ARHGEF12: variants seen among roughly 807,000 people sequenced by gnomAD.
ARHGEF12 encodes the protein Rho guanine nucleotide exchange factor 12.
In ARHGEF12, 66 loss-of-function variants were observed where a neutral mutation model predicts 211.2. The observed-to-expected ratio is 0.31, with a 90% confidence interval of 0.26 to 0.38. The LOEUF is 0.38. Ranked by LOEUF, ARHGEF12 falls within the 10% of genes least tolerant of loss-of-function variation. The pLI is 1.00. For missense variants in ARHGEF12, 1,429 were observed against 1,869.5 expected, an observed-to-expected ratio of 0.76 and a Z score of 4.34; for synonymous variants, 592 against 638.4, an observed-to-expected ratio of 0.93 and a Z score of 1.09.
Position 120,445,470 on chromosome 11 carries a change from C to G in ARHGEF12, c.1345+6C>G, listed in dbSNP as rs1231688950. The G allele has an allele frequency of 6.2e-7, 1 of 1,613,752 alleles. No individual in the cohort carries two copies. The highest frequency in any genetic ancestry group is 8.5e-7 in the Non-Finnish European group (1 of 1,179,612). ...TGAAATGTCTGCAGATCTAGGTAAG[C>G]TTGGAGCACTAACATCCTGGAGAAT... On this transcript the variant is annotated splice_donor_region_variant and intron_variant, in intron 16 of 40. Transcript: ENST00000397843.
intron 11 of ARHGEF12, 116 bp downstream of exon 11, chr11:120,432,027 AT>A: frequency 1.1e-6 from 1 of 912,940 alleles, no homozygotes; most frequent in African/African-American, 1.7e-5. Flanking sequence ...TACCATCCCC[AT>A]TTTTAATGTA....
At chr11:120,347,246 T>TTCTCTCTC (rs36062191) in intron 1 of ARHGEF12, among the ~76,000 whole-genome samples, 11 of 130,380 alleles carry the variant, frequency 8.4e-5, no homozygotes, top group African/African-American at 3.2e-4. Context: ...CTCTCTCTGT[T>TTCTCTCTC]TCTCTCTCTC....
chr11:120,342,189 A>T (rs1942557673), intron 1 of ARHGEF12, among the ~76,000 whole-genome samples: 1 of 152,046 alleles, frequency 6.6e-6, no homozygotes, highest in Admixed American at 6.5e-5. Flanking sequence ...TTCCTTTAGT[A>T]ACTCTCCAGC....
At chr11:120,433,378 G>T (rs985341500) in intron 11 of ARHGEF12, among the ~76,000 whole-genome samples, 18 of 152,160 alleles carry the variant, frequency 1.2e-4, no homozygotes, top group African/African-American at 4.3e-4. Flanking sequence ...GTTATAAAGG[G>T]CTTCAACTTG....
At chr11:120,356,844 A>G (rs533595219) in intron 1 of ARHGEF12, among the ~76,000 whole-genome samples, 1 of 152,336 alleles carries the variant, frequency 6.6e-6, no homozygotes, top group African/African-American at 2.4e-5. Context: ...GTATTGACTA[A>G]AAATTATGTG....
chr11:120,470,755 G>A (rs1293484345), intron 30 of ARHGEF12, among the ~76,000 whole-genome samples: 4 of 152,192 alleles, frequency 2.6e-5, no homozygotes, highest in African/African-American at 7.2e-5. Context: ...TTAAAACTCT[G>A]TAGGTACCCT....
chr11:120,447,745 G>C (rs554599358), intron 18 of ARHGEF12, 129 bp from the exon 19 acceptor site: 1 of 593,558 alleles, frequency 1.7e-6, no homozygotes, highest in South Asian at 2.1e-5. Context: ...GCGCCCAGGA[G>C]GCGGAGGTTG....
At chr11:120,468,172 T>TA in intron 29 of ARHGEF12, among the ~76,000 whole-genome samples, 1 of 152,232 alleles carries the variant, frequency 6.6e-6, no homozygotes, top group Non-Finnish European at 1.5e-5. Flanking sequence ...AGCTGAGCTT[T>TA]AGGTTCTTAT....
intron 1 of ARHGEF12, among the ~76,000 whole-genome samples, chr11:120,364,679 A>G (rs1943374011): frequency 6.6e-6 from 1 of 152,192 alleles, no homozygotes; most frequent in Non-Finnish European, 1.5e-5. Flanking sequence ...CATTAAAGAC[A>G]TTTTCAAGTA....
At chr11:120,483,135 T>G (rs1947298782) in intron 39 of ARHGEF12, among the ~76,000 whole-genome samples, 1 of 152,168 alleles carries the variant, frequency 6.6e-6, no homozygotes, top group Admixed American at 6.5e-5. Flanking sequence ...TTACATAGAT[T>G]TTTTCATATG....
intron 1 of ARHGEF12, among the ~76,000 whole-genome samples, chr11:120,351,426 TA>T (rs1942944983): frequency 4.7e-4 from 2 of 4,272 alleles, no homozygotes; most frequent in African/African-American, 6.3e-4. Context: ...TATATATATA[TA>T]TATATATATA....
At chr11:120,446,554 A>G (rs544925447) in intron 17 of ARHGEF12, 46 bp downstream of exon 17, 1 of 1,465,592 alleles carries the variant, frequency 6.8e-7, no homozygotes, top group Admixed American at 1.9e-5. Context: ...TTCTAAATTA[A>G]TTTTTTTAGT....
rs575591501 is a variant in ARHGEF12, at chr11:120,373,098, A to T, written c.33-33020A>T. ...CCATTATATAAAATTTCTGACATAG[A>T]TAAAAATTAGAATAGCTTAATGAAC... On this transcript the variant is annotated intron_variant, in intron 1 of 40. Coordinates refer to ENST00000397843, the MANE Select transcript of ARHGEF12 (RefSeq NM_015313.3). 9.2e-5 allele frequency among the ~76,000 whole-genome samples: 14 copies of T among 152,286 alleles called. No individual in the cohort carries two copies. The East Asian group carries it at 2.7e-3, about 29-fold the overall frequency.
rs1258223802 is a variant in ARHGEF12 at position 120,336,441 on chromosome 11, G to T, written c.-803G>T. The stretch of plus-strand genomic sequence containing the variant: ...ACCCGGCGAGCCGGCCCTGCGCCGG[G>T]AGACGCCGCCGCCTCCGCCTCCCGG... On this transcript the variant is annotated 5_prime_UTR_variant, in exon 1 of 41. Coordinates refer to ENST00000397843, the MANE Select transcript of ARHGEF12 (RefSeq NM_015313.3). Among the ~76,000 whole-genome samples, 5 of 151,502 alleles carry T rather than the reference G, an allele frequency of 3.3e-5. No homozygotes were observed. The highest frequency in any genetic ancestry group is 7.4e-5 in the Non-Finnish European group (5 of 67,816).
At chr11:120,433,506 G>T (rs1486227480) in intron 11 of ARHGEF12, among the ~76,000 whole-genome samples, 1 of 152,214 alleles carries the variant, frequency 6.6e-6, no homozygotes, top group Non-Finnish European at 1.5e-5. Flanking sequence ...AGTTCCTTGA[G>T]AGCAGAGGGA....
At chr11:120,365,141 A>G (rs1033031373) in intron 1 of ARHGEF12, among the ~76,000 whole-genome samples, 14 of 152,034 alleles carry the variant, frequency 9.2e-5, no homozygotes, top group Non-Finnish European at 1.8e-4. Flanking sequence ...ATTTTGTTTT[A>G]TTCTTCACAC....
intron 31 of ARHGEF12, among the ~76,000 whole-genome samples, chr11:120,473,515 AC>A (rs2135966996): frequency 6.6e-6 from 1 of 152,130 alleles, no homozygotes; most frequent in East Asian, 1.9e-4. Flanking sequence ...CAGTCCACCC[AC>A]CTCAGCCTCC....
At position 120,445,460 on chromosome 11, in the gene ARHGEF12, T is replaced by TC; in HGVS notation, c.1342dup (p.Leu448ProfsTer7). ...CTGTTCCTGATGAAATGTCTGCAGA[T>TC]CTAGGTAAGCTTGGAGCACTAACAT... On this transcript the variant is annotated frameshift_variant, in exon 16 of 41. Coordinates refer to ENST00000397843, the MANE Select transcript of ARHGEF12 (RefSeq NM_015313.3). LOFTEE classifies it high-confidence loss of function. 6.2e-7 allele frequency: 1 copy of TC among 1,614,142 alleles called. No individual in the cohort carries two copies. The highest frequency in any genetic ancestry group is 8.5e-7 in the Non-Finnish European group (1 of 1,179,950).
intron 8 of ARHGEF12, 77 bp downstream of exon 8, chr11:120,428,324 T>A: frequency 8.0e-7 from 1 of 1,247,428 alleles, no homozygotes; most frequent in Non-Finnish European, 1.1e-6. Flanking sequence ...AGTTTTCAAG[T>A]ATTCGGCTGA....
Sources: gnomAD v4.1 joint callset for allele counts (sites outside exome capture counted in the v4.1 genomes callset) on GRCh38, gnomAD v4.1.1 for gene constraint, MANE v1.5 for transcripts, NCBI Gene and HGNC (gene_info 2026-07-23, HGNC 2026-07-21) for gene names.